Variants in ZNF367 observed in about 807,000 individuals in gnomAD.
The protein encoded by ZNF367 is C2H2 zinc finger protein ZFF29.
Under a neutral mutation model 31.8 loss-of-function variants are expected in ZNF367, and 11 were observed. The ratio of observed to expected loss-of-function variants is 0.35; its 90% CI spans 0.22 to 0.57. The LOEUF (loss-of-function observed/expected upper bound fraction) is 0.57. Among genes scored for constraint, ZNF367 ranks in the 20% least tolerant of loss-of-function variants. The probability of loss-of-function intolerance (pLI) is 0.85; values close to 1 mark genes in which losing one functional copy is unlikely to be tolerated. For synonymous variants in ZNF367, 199 were observed against 202.4 expected (o/e 0.98, Z 0.14); for missense variants, 353 against 484.1 (o/e 0.73, Z 2.54).
At chr9:96,395,267 T>C (rs1213264572) in intron 2 of ZNF367, among the ~76,000 whole-genome samples, 1 of 152,150 alleles carries the variant, frequency 6.6e-6, no homozygotes, top group African/African-American at 2.4e-5. Context: ...CCCACTCAGC[T>C]TCCCCTGGTC....
chr9:96,403,455 C>G (rs985156840), intron 1 of ZNF367, among the ~76,000 whole-genome samples: 2 of 152,136 alleles, frequency 1.3e-5, no homozygotes, highest in Admixed American at 6.5e-5. Context: ...AATGCAATCT[C>G]TATTAAAATT....
chr9:96,397,060 CT>C (rs578236357), intron 2 of ZNF367, among the ~76,000 whole-genome samples: 131 of 152,290 alleles, frequency 8.6e-4, no homozygotes, highest in African/African-American at 3.0e-3. Flanking sequence ...ATTGTTTACT[CT>C]TTTTTTCATA....
Position 96,386,946 on chromosome 9 carries a change from A to T in ZNF367, c.*1291T>A, listed in dbSNP as rs1038965816. The T allele has an allele frequency of 1.3e-5, 2 of 152,228 alleles. No individual in the cohort carries two copies. Among genetic ancestry groups the T allele is most frequent in the African/African-American group, 4.8e-5 (2 of 41,466 alleles). The allele number at this position is 152,228 out of a possible 1,614,324, so 9.4% of individuals were successfully genotyped here. A position where few individuals can be genotyped will look rare whatever the true frequency, so the allele number is the denominator to read the frequency against. On this transcript the variant is annotated 3_prime_UTR_variant, in exon 5 of 5. Coordinates refer to ENST00000375256, the MANE Select transcript of ZNF367 (RefSeq NM_153695.4). ...CGATCTGTAAGTTACCATGCTATGC[A>T]TGTCATTTAGTTCTGTTTAGAACAA...
At chr9:96,410,875 AAAAAC>A (rs750089764) in intron 1 of ZNF367, among the ~76,000 whole-genome samples, 16 of 151,396 alleles carry the variant, frequency 1.1e-4, no homozygotes, top group East Asian at 3.9e-4. Flanking sequence ...AGACTCTGTC[AAAAAC>A]AAAACAAAAC....
In ZNF367 at chr9:96,417,522, C is replaced by T. The variant is rs1327642980; in HGVS notation, c.420+91G>A. 7.4e-6 allele frequency: 2 copies of T among 269,746 alleles called. No individual in the cohort carries two copies. The highest frequency in any genetic ancestry group is 4.6e-5 in the African/African-American group (2 of 43,828). 16.7% of individuals were successfully genotyped at this position (269,746 alleles called of 1,614,324 possible). A position where few individuals can be genotyped will look rare whatever the true frequency, so the allele number is the denominator to read the frequency against. On this transcript the variant is annotated intron_variant, in intron 1 of 4. Coordinates refer to ENST00000375256, the MANE Select transcript of ZNF367 (RefSeq NM_153695.4). This position sits in a 1 kb window ranked among gnomAD's most constrained non-coding sequence, Gnocchi z 5.0. ...GCAGCCCCCGCCGTAGCCGGATCGA[C>T]CTCGCGTTTTCAACTCCGCCCCGCC...
chr9:96,392,032 G>A lies in ZNF367; in HGVS notation c.830+366C>T, dbSNP rs747148179. ...TGACCTCAGGCGATCCACCCACCTC[G>A]GCTGTCTATCCCTGTTTTAATTGGC... On this transcript the variant is annotated intron_variant, in intron 4 of 4. Coordinates refer to ENST00000375256, the MANE Select transcript of ZNF367 (RefSeq NM_153695.4). Among the ~76,000 whole-genome samples the A allele has an allele frequency of 3.0e-4, 46 of 152,246 alleles. 1 individual carries two copies. Among genetic ancestry groups the A allele is most frequent in the African/African-American group, 6.0e-4 (25 of 41,548 alleles).
chr9:96,398,462 A>G (rs1831561705), intron 1 of ZNF367, 148 bp from the exon 2 acceptor site: 2 of 625,086 alleles, frequency 3.2e-6, no homozygotes, highest in Non-Finnish European at 5.2e-6. Context: ...AGGCTGAGGT[A>G]GGAGGATCAC....
In ZNF367 at chr9:96,418,327, CG is replaced by C. The variant is rs1450586093; in HGVS notation, c.-296del. ...CCCTTGCGGTGACAGGAAAGCAGGA[CG>C]CGCGGCGCTGAGCCCCCAAAAATAA... On this transcript the variant is annotated 5_prime_UTR_variant, in exon 1 of 5. Coordinates refer to ENST00000375256, the MANE Select transcript of ZNF367 (RefSeq NM_153695.4). The C allele has an allele frequency of 5.3e-6, 2 of 378,948 alleles. No individual in the cohort carries two copies. Among genetic ancestry groups the C allele is most frequent in the African/African-American group, 4.2e-5 (2 of 48,156 alleles). 23.5% of individuals were successfully genotyped at this position (378,948 alleles called of 1,614,324 possible). A position where few individuals can be genotyped will look rare whatever the true frequency, so the allele number is the denominator to read the frequency against.
At position 96,392,447 on chromosome 9, in the gene ZNF367, T is replaced by C. The variant is rs1460988767; in HGVS notation, c.781A>G (p.Ser261Gly). ...TTGTTGTCGGCAGCCTGATGTTTGC[T>C]GAGTGTGTCCGTGGGCTCCTCTCTC... ...LKREEPTDTL[S>G]KHQAADNKAA... Residue 261 changes from serine (S) to glycine (G), a missense_variant, in exon 4 of 5, where the codon AGC becomes GGC. Coordinates refer to ENST00000375256, the MANE Select transcript of ZNF367 (RefSeq NM_153695.4). 6.2e-7 allele frequency: 1 copy of C among 1,614,248 alleles called. No homozygotes were observed. Among genetic ancestry groups the C allele is most frequent in the Non-Finnish European group, 8.5e-7 (1 of 1,180,040 alleles).
chr9:96,399,971 AG>A (rs1381318464), intron 1 of ZNF367, among the ~76,000 whole-genome samples: 1 of 152,224 alleles, frequency 6.6e-6, no homozygotes, highest in Non-Finnish European at 1.5e-5. Flanking sequence ...AAAACTCAGA[AG>A]GAAGGGTCTG....
chr9:96,413,678 G>A (rs891908465), intron 1 of ZNF367, among the ~76,000 whole-genome samples: 49 of 152,270 alleles, frequency 3.2e-4, no homozygotes, highest in African/African-American at 9.1e-4. Context: ...CAATCCAGAA[G>A]AAGATAATAT....
Position 96,392,496 on chromosome 9 carries a change from C to T in ZNF367, c.732G>A (p.Pro244=), listed in dbSNP as rs374017899. 2.5e-5 allele frequency: 40 copies of T among 1,611,742 alleles called. 1 individual carries two copies. In the African/African-American group the frequency reaches 4.0e-4, roughly 16 times the overall value. The change falls in exon 4 of 5, where the codon CCG becomes CCA. Residue 244 remains proline (P), a synonymous_variant. Coordinates refer to ENST00000375256, the MANE Select transcript of ZNF367 (RefSeq NM_153695.4). ...TCTTCAGCCTGGCGTAGGGGTGCTT[C>T]GGACAGTGGCGGTTTGCATGGGTGA... ...SRFTHANRHC[P]KHPYARLKRE...
intron 4 of ZNF367, among the ~76,000 whole-genome samples, chr9:96,390,884 GAAAAA>G (rs34868065): frequency 1.8e-5 from 1 of 56,602 alleles, no homozygotes; most frequent in Non-Finnish European, 3.2e-5. Context: ...ACCCTGTCTC[GAAAAA>G]AAAAAAAAAA....
At chr9:96,401,543 G>T (rs959308891) in intron 1 of ZNF367, among the ~76,000 whole-genome samples, 1 of 151,912 alleles carries the variant, frequency 6.6e-6, no homozygotes, top group Middle Eastern at 3.4e-3. Context: ...TGTAATCCCA[G>T]CTACTCGGGA....
At chr9:96,395,326 C>T (rs889421944) in intron 2 of ZNF367, among the ~76,000 whole-genome samples, 3 of 152,142 alleles carry the variant, frequency 2.0e-5, no homozygotes, top group African/African-American at 7.2e-5. Context: ...GCCTCCTGGC[C>T]GGCCTCTTGT....
rs1831849151 is a variant in ZNF367 at position 96,417,572 on chromosome 9, C to T, written c.420+41G>A. 1 of 378,680 alleles carries T rather than the reference C, an allele frequency of 2.6e-6. No homozygotes were observed. Among genetic ancestry groups the T allele is most frequent in the Non-Finnish European group, 4.5e-6 (1 of 222,882 alleles). 23.5% of individuals were successfully genotyped at this position (378,680 alleles called of 1,614,324 possible). ...CCGCCGCACCGTTAACGGGCCCCGG[C>T]TGCCCCACGTCCCGCCCGCCCGCCC... On this transcript the variant is annotated intron_variant, in intron 1 of 4. Coordinates refer to ENST00000375256, the MANE Select transcript of ZNF367 (RefSeq NM_153695.4). The surrounding 1 kb of genome is among the most constrained non-coding windows in gnomAD (Gnocchi z 5.0).
intron 3 of ZNF367, 152 bp downstream of exon 3, chr9:96,394,671 A>C (rs1831509356): frequency 1.3e-6 from 1 of 758,998 alleles, no homozygotes; most frequent in African/African-American, 1.8e-5. Context: ...TGAGAAATTC[A>C]GCATGTATCA....
intron 1 of ZNF367, among the ~76,000 whole-genome samples, chr9:96,410,449 C>G (rs1484716645): frequency 6.7e-6 from 1 of 149,414 alleles, no homozygotes; most frequent in East Asian, 2.0e-4. Flanking sequence ...GTAGTCCCAG[C>G]TACTCGGGAG....
chr9:96,393,294 C>T (rs575967661), intron 3 of ZNF367, among the ~76,000 whole-genome samples: 4 of 149,098 alleles, frequency 2.7e-5, no homozygotes, highest in Admixed American at 6.7e-5. Flanking sequence ...GAGGCCGAGG[C>T]GGGTGGATCA....
Sources: allele counts gnomAD v4.1 joint callset (sites outside exome capture counted in the v4.1 genomes callset), GRCh38; gene constraint gnomAD v4.1.1; non-coding constraint Gnocchi (gnomAD v3.1); transcripts MANE v1.5; gene names NCBI Gene and HGNC (gene_info 2026-07-23, HGNC 2026-07-21).